ABR: variants seen among roughly 807,000 people sequenced by gnomAD.
ABR encodes active breakpoint cluster region-related protein.
In ABR, 35 loss-of-function variants were observed where a neutral mutation model predicts 107.2. The ratio of observed to expected loss-of-function variants is 0.33; its 90% CI spans 0.25 to 0.43. ABR has a LOEUF of 0.43. Among genes scored for constraint, ABR ranks in the 20% least tolerant of loss-of-function variants. The pLI is 1.00. For synonymous variants in ABR, 498 were observed against 462.0 expected (o/e 1.08, Z -1.00); for missense variants, 815 against 1,115.2 (o/e 0.73, Z 3.83).
intron 6 of ABR, 120 bp downstream of exon 6, chr17:1,079,210 C>T (rs1041079290): frequency 1.7e-5 from 25 of 1,493,730 alleles, no homozygotes; most frequent in African/African-American, 7.0e-5. Flanking sequence ...CACACGCTCA[C>T]GCTCACACGC....
At chr17:1,113,053 G>GACCCAATCAGCAAGCATTTGTTAGCCGC (rs1238031443) in intron 2 of ABR, among the ~76,000 whole-genome samples, 1 of 151,932 alleles carries the variant, frequency 6.6e-6, no homozygotes, top group Non-Finnish European at 1.5e-5. Flanking sequence ...TTAGCCGCCT[G>GACCCAATCAGCAAGCATTTGTTAGCCGC]CTGTGCACCA....
At chr17:1,229,293 C>T (rs1160841649) in exon 1 of ABR, among the ~76,000 whole-genome samples, 1 of 151,554 alleles carries the variant, frequency 6.6e-6, no homozygotes, top group Non-Finnish European at 1.5e-5. Flanking sequence ...CCTTCCCCCG[C>T]CGGCTTCTCC....
intron 21 of ABR, among the ~76,000 whole-genome samples, chr17:1,008,122 C>T (rs1269682780): frequency 2.0e-5 from 3 of 152,218 alleles, no homozygotes; most frequent in Admixed American, 1.3e-4. Context: ...GATTGTCCTC[C>T]CTCTGGATCC....
At position 1,005,621 on chromosome 17, in the gene ABR, G is replaced by A. The variant is rs991104320; in HGVS notation, c.*459C>T. 12 of 201,634 alleles carry A rather than the reference G, an allele frequency of 6.0e-5. No homozygotes were observed. The highest frequency in any genetic ancestry group is 1.1e-4 in the Admixed American group (2 of 17,942). The allele number at this position is 201,634 out of a possible 1,614,324, so 12.5% of individuals were successfully genotyped here. On this transcript the variant is annotated 3_prime_UTR_variant, in exon 23 of 23. Transcript: ENST00000302538. Reference sequence around the variant, plus strand: ...AGCGGGTGGAGGAAGACTGAGGGGAGGCTGCCAGGAGACCGCCATCTGGGA... The same window carrying A: ...AGCGGGTGGAGGAAGACTGAGGGGAAGCTGCCAGGAGACCGCCATCTGGGA...
intron 1 of ABR, among the ~76,000 whole-genome samples, chr17:1,176,175 G>C (rs1239816338): frequency 6.6e-6 from 1 of 151,094 alleles, no homozygotes; most frequent in African/African-American, 2.4e-5. Flanking sequence ...ACCAGCCTCA[G>C]TGGGTTCAGA....
At chr17:1,177,744 G>T (rs562821960) in intron 1 of ABR, among the ~76,000 whole-genome samples, 6 of 152,334 alleles carry the variant, frequency 3.9e-5, no homozygotes, top group Admixed American at 2.6e-4. Flanking sequence ...ACATAAGCAC[G>T]CGTGAATCTG....
rs151268232 is a variant in ABR, at chr17:1,084,774, C to T, written c.532-1147G>A. Among the ~76,000 whole-genome samples the T allele has an allele frequency of 0.012, 1,865 of 152,304 alleles. 10 individuals are homozygous for T. The highest frequency in any genetic ancestry group is 0.034 in the Middle Eastern group (10 of 294). On this transcript the variant is annotated intron_variant, in intron 4 of 22. Transcript: ENST00000302538. This position sits in a 1 kb window ranked among gnomAD's most constrained non-coding sequence, Gnocchi z 4.2. ...AATTTAAAAGTCTAATTGACAGCAA[C>T]GGCTGGCAAGCATATGGGGAAATTT... is the stretch of plus-strand genomic sequence containing the variant.
In ABR at chr17:1,162,023, A is replaced by G. The variant is rs142415174; in HGVS notation, c.61+17644T>C. ...CATTAAGTGACTCTCCCAGTGCTGCACGGACTTTACATGGGGACGCTGGGT... is the reference window on the plus strand; with the variant it reads ...CATTAAGTGACTCTCCCAGTGCTGCGCGGACTTTACATGGGGACGCTGGGT... On this transcript the variant is annotated intron_variant, in intron 1 of 22. Transcript: ENST00000302538. 4.1e-3 allele frequency among the ~76,000 whole-genome samples: 630 copies of G among 152,278 alleles called. 2 individuals are homozygous for G. Among genetic ancestry groups the G allele is most frequent in the African/African-American group, 0.015 (604 of 41,548 alleles).
In ABR at chr17:1,210,792, C is replaced by T. The variant is rs930642116; in HGVS notation, c.838+18001G>A. ...TCCTCCATGCTTTGCTTAGACCAAC[C>T]TTAGCCTCTTAAGGACATTTAGAAC... On this transcript the variant is annotated intron_variant, in intron 1 of 22. Transcript: ENST00000574139. This position sits in a 1 kb window ranked among gnomAD's most constrained non-coding sequence, Gnocchi z 5.6. Among the ~76,000 whole-genome samples the T allele has an allele frequency of 6.6e-6, 1 of 152,212 alleles. No individual in the cohort carries two copies. The highest frequency in any genetic ancestry group is 2.4e-5 in the African/African-American group (1 of 41,454).
chr17:1,103,561 T>TC (rs1231554773), intron 2 of ABR, among the ~76,000 whole-genome samples: 3 of 151,880 alleles, frequency 2.0e-5, no homozygotes, highest in Non-Finnish European at 4.4e-5. Flanking sequence ...ACAAGCTTCA[T>TC]CCCCCCTGGC....
chr17:1,097,557 C>T (rs1229807565), intron 3 of ABR, among the ~76,000 whole-genome samples: 5 of 146,208 alleles, frequency 3.4e-5, no homozygotes, highest in Non-Finnish European at 7.4e-5. Context: ...TGCCACTGCA[C>T]TCCAGCCTGG....
At chr17:1,113,277 GATTTTTTTTT>G (rs1454835537) in intron 2 of ABR, among the ~76,000 whole-genome samples, 3 of 88,210 alleles carry the variant, frequency 3.4e-5, no homozygotes, top group African/African-American at 1.5e-4. Context: ...CACCTATTGC[GATTTTTTTTT>G]TTTTTTTTTT....
At chr17:1,182,687 C>T (rs779856126), upstream of ABR, among the ~76,000 whole-genome samples, 15 of 152,160 alleles carry the variant, frequency 9.9e-5, no homozygotes, top group Admixed American at 3.3e-4. Context: ...TTAAACACCA[C>T]GCATACTGCC....
At chr17:1,012,105 C>A in intron 18 of ABR, 120 bp from the exon 19 acceptor site, 1 of 1,518,138 alleles carries the variant, frequency 6.6e-7, no homozygotes, top group South Asian at 1.1e-5. Context: ...AGAGCTGGGG[C>A]GGGGGCAGGG....
upstream of ABR, among the ~76,000 whole-genome samples, chr17:1,187,809 A>G (rs559646433): frequency 6.6e-6 from 1 of 151,918 alleles, no homozygotes; most frequent in African/African-American, 2.4e-5. Context: ...CAGGAGAATC[A>G]CTTGAACCTG....
At chr17:1,029,931 G>C (rs2072588465) in intron 16 of ABR, among the ~76,000 whole-genome samples, 1 of 151,762 alleles carries the variant, frequency 6.6e-6, no homozygotes, top group Non-Finnish European at 1.5e-5. Flanking sequence ...CCACAGCGCT[G>C]ACCCCTGCGT....
At chr17:1,189,921 G>A (rs986962443), upstream of ABR, among the ~76,000 whole-genome samples, 1 of 152,112 alleles carries the variant, frequency 6.6e-6, no homozygotes, top group Non-Finnish European at 1.5e-5. Context: ...ATGAATGAAT[G>A]ACCAAGCATA....
intron 16 of ABR, among the ~76,000 whole-genome samples, chr17:1,032,657 G>C (rs2072902887): frequency 6.7e-6 from 1 of 150,184 alleles, no homozygotes; most frequent in South Asian, 2.1e-4. Flanking sequence ...GTCCGTGCTG[G>C]GCGCCTTGAG....
chr17:1,211,359 C>T (rs1395604615), intron 1 of ABR, among the ~76,000 whole-genome samples: 1 of 152,068 alleles, frequency 6.6e-6, no homozygotes, highest in Non-Finnish European at 1.5e-5. Flanking sequence ...TTGCTCTGAC[C>T]CAGTGGGATT....
Sources: allele counts gnomAD v4.1 joint callset (sites outside exome capture counted in the v4.1 genomes callset), GRCh38; gene constraint gnomAD v4.1.1; non-coding constraint Gnocchi (gnomAD v3.1); transcripts MANE v1.5; gene names NCBI Gene and HGNC (gene_info 2026-07-23, HGNC 2026-07-21).